Variants in MED27 observed in about 807,000 individuals in gnomAD.
MED27 encodes mediator of RNA polymerase II transcription subunit 27.
Under a neutral mutation model 38.2 loss-of-function variants are expected in MED27, and 30 were observed. The observed-to-expected ratio is 0.79, with a 90% CI of 0.59 to 1.07. The LOEUF (loss-of-function observed/expected upper bound fraction) is 1.07. Among genes scored for constraint, MED27 ranks in the 50% least tolerant of loss-of-function variants. The pLI, the probability that MED27 is intolerant of heterozygous loss-of-function variation, is 0.00. For synonymous variants in MED27, 122 were observed against 153.5 expected (o/e 0.79, Z 1.52); for missense variants, 289 against 397.5 (o/e 0.73, Z 2.32).
intron 3 of MED27, among the ~76,000 whole-genome samples, chr9:132,010,653 C>A (rs1797790185): frequency 6.6e-6 from 1 of 152,134 alleles, no homozygotes; most frequent in Admixed American, 6.5e-5. Flanking sequence ...CAATGATAGA[C>A]TGGATTAAGA....
intron 3 of MED27, among the ~76,000 whole-genome samples, chr9:131,947,784 C>T (rs1830912488): frequency 6.6e-6 from 1 of 152,166 alleles, no homozygotes; most frequent in African/African-American, 2.4e-5. Flanking sequence ...ACTTACCCCA[C>T]ACAATGTGTA....
chr9:131,966,199 T>TAA (rs201789144), intron 3 of MED27, among the ~76,000 whole-genome samples: 19,459 of 94,922 alleles, frequency 0.2, 2,117 homozygotes, highest in East Asian at 0.31. Context: ...CCTGTTTCTT[T>TAA]AAAAAAAAAA....
chr9:132,034,153 C>G (rs924549041), intron 2 of MED27, among the ~76,000 whole-genome samples: 2 of 152,178 alleles, frequency 1.3e-5, no homozygotes, highest in Non-Finnish European at 2.9e-5. Flanking sequence ...TGCTCTCCCC[C>G]TCCCCCAGCT....
intron 3 of MED27, among the ~76,000 whole-genome samples, chr9:131,953,015 T>C (rs560177610): frequency 1.4e-4 from 21 of 152,290 alleles, no homozygotes; most frequent in Middle Eastern, 3.4e-3. Context: ...ACATGGTAAA[T>C]TGAAGAATAT....
At position 132,011,679 on chromosome 9, in the gene MED27, A is replaced by G. The variant is rs1832490054; in HGVS notation, c.479+2658T>C. Among the ~76,000 whole-genome samples the G allele has an allele frequency of 5.9e-5, 9 of 152,248 alleles. No homozygotes were observed. In the South Asian group the frequency reaches 1.9e-3, roughly 32 times the overall value. On this transcript the variant is annotated intron_variant, in intron 3 of 7. Transcript: ENST00000292035. ...AAAAACATGCCTCTAAAAAGAAACA[A>G]AAAGGGGAGTTGGGGAGGCAATTGA...
At chr9:131,895,289 G>A (rs1829812783) in intron 4 of MED27, among the ~76,000 whole-genome samples, 1 of 152,182 alleles carries the variant, frequency 6.6e-6, no homozygotes, top group African/African-American at 2.4e-5. Context: ...CCCGCCCATA[G>A]TGCGAGTTGC....
chr9:132,079,739 T>G lies in MED27; in HGVS notation c.106A>C (p.Lys36Gln). The change falls in exon 1 of 8, where the codon AAG (lysine) becomes CAG (glutamine). Residue 36 changes from lysine to glutamine, a missense_variant. By Grantham distance (53) the Lys-to-Gln change is moderately conservative. Transcript: ENST00000292035. ...GTCTCCTTGTTCCGCATCCCATCCTTCAGGCAGTCGAACACCCTGCTCACG... is the reference window on the plus strand; with the variant it reads ...GTCTCCTTGTTCCGCATCCCATCCTGCAGGCAGTCGAACACCCTGCTCACG... Reference protein sequence around the residue: ...SSVSRVFDCLKDGMRNKETLE... With the variant: ...SSVSRVFDCLQDGMRNKETLE... The G allele has an allele frequency of 6.2e-7, 1 of 1,614,020 alleles. No homozygotes were observed. The highest frequency in any genetic ancestry group is 8.5e-7 in the Non-Finnish European group (1 of 1,179,970).
chr9:131,899,682 A>G (rs1829900877), intron 4 of MED27, among the ~76,000 whole-genome samples: 2 of 152,200 alleles, frequency 1.3e-5, no homozygotes, highest in African/African-American at 2.4e-5. Flanking sequence ...AGGGTAACGT[A>G]ACAGGAGCCC....
At chr9:131,881,526 G>T (rs922838071) in intron 6 of MED27, among the ~76,000 whole-genome samples, 1 of 152,152 alleles carries the variant, frequency 6.6e-6, no homozygotes, top group Non-Finnish European at 1.5e-5. Flanking sequence ...GGTGTTAGAA[G>T]AATCAAGCTA....
chr9:131,954,250 A>C (rs959596573), intron 3 of MED27, among the ~76,000 whole-genome samples: 3 of 152,224 alleles, frequency 2.0e-5, no homozygotes, highest in Non-Finnish European at 2.9e-5. Flanking sequence ...CTGGGAGCTG[A>C]CCACACTGGG....
chr9:132,023,523 G>A (rs1408000084), intron 2 of MED27, among the ~76,000 whole-genome samples: 1 of 152,152 alleles, frequency 6.6e-6, no homozygotes, highest in Non-Finnish European at 1.5e-5. Flanking sequence ...GTCATGAAAT[G>A]CCTGTTTCTG....
chr9:131,908,239 T>C (rs1830113650), intron 4 of MED27, among the ~76,000 whole-genome samples: 2 of 132,378 alleles, frequency 1.5e-5, no homozygotes, highest in East Asian at 2.5e-4. Flanking sequence ...AGCCGCCCCG[T>C]CCGGGAGGGA....
intron 3 of MED27, among the ~76,000 whole-genome samples, chr9:131,975,360 A>T (rs1831581421): frequency 6.6e-6 from 1 of 152,236 alleles, no homozygotes; most frequent in Non-Finnish European, 1.5e-5. Flanking sequence ...CCAAGTTACT[A>T]TTCCTTTCAT....
At chr9:131,905,707 A>G (rs1830044077) in intron 4 of MED27, among the ~76,000 whole-genome samples, 1 of 100,494 alleles carries the variant, frequency 1.0e-5, no homozygotes, top group Non-Finnish European at 2.0e-5. Flanking sequence ...TTGTCAAAAA[A>G]AAAAAAAAAA....
At chr9:132,022,302 A>C (rs1264322412) in intron 2 of MED27, among the ~76,000 whole-genome samples, 4 of 152,222 alleles carry the variant, frequency 2.6e-5, no homozygotes, top group Admixed American at 1.3e-4. Flanking sequence ...TTCTGGACTC[A>C]AGAAAAACAG....
At chr9:132,075,857 C>G (rs147385276) in intron 2 of MED27, among the ~76,000 whole-genome samples, 2 of 152,200 alleles carry the variant, frequency 1.3e-5, no homozygotes, top group African/African-American at 4.8e-5. Flanking sequence ...CAACAGACAT[C>G]TGTGATTTCT....
Position 132,030,151 on chromosome 9 carries a change from G to A in MED27, c.349-15684C>T, listed in dbSNP as rs115386100. 1.9e-3 allele frequency among the ~76,000 whole-genome samples: 287 copies of A among 152,302 alleles called. 1 individual carries two copies. The highest frequency in any genetic ancestry group is 6.2e-3 in the African/African-American group (256 of 41,570). ...AAGCCTGACCAGTGTTAGGGGATTC[G>A]GGCCTCTGCCCCCTCTTCAGGGGAG... On this transcript the variant is annotated intron_variant, in intron 2 of 7. Coordinates refer to ENST00000292035, the MANE Select transcript of MED27 (RefSeq NM_004269.4).
At chr9:132,032,902 G>C (rs1832994117) in intron 2 of MED27, among the ~76,000 whole-genome samples, 1 of 152,210 alleles carries the variant, frequency 6.6e-6, no homozygotes, top group African/African-American at 2.4e-5. Flanking sequence ...GTCTGAGTGT[G>C]AATAAGCATT....
chr9:131,929,499 G>T (rs1830541717), intron 4 of MED27, among the ~76,000 whole-genome samples: 1 of 152,246 alleles, frequency 6.6e-6, no homozygotes, highest in East Asian at 1.9e-4. Context: ...CTGCCCTGAA[G>T]GGTGAGTCTC....
Sources: allele counts gnomAD v4.1 joint callset (sites outside exome capture counted in the v4.1 genomes callset), GRCh38; gene constraint gnomAD v4.1.1; transcripts MANE v1.5; gene names NCBI Gene and HGNC (gene_info 2026-07-23, HGNC 2026-07-21).